Variants in DTD1 observed in about 807,000 individuals in gnomAD.
DTD1 encodes the protein D-tyrosyl-tRNA deacylase 1 homolog.
Under a neutral mutation model 25.6 loss-of-function variants are expected in DTD1, and 13 were observed. That is an observed-to-expected ratio of 0.51 (90% CI 0.33 to 0.81). The LOEUF (loss-of-function observed/expected upper bound fraction) is 0.81. Ranked by LOEUF, DTD1 falls within the 30% of genes least tolerant of loss-of-function variation. The pLI is 0.02. For missense variants in DTD1, 193 were observed against 266.4 expected, an observed-to-expected ratio of 0.72 and a Z score of 1.92; for synonymous variants, 110 against 103.6, an observed-to-expected ratio of 1.06 and a Z score of -0.37.
At chr20:18,714,586 G>A (rs948633990) in intron 4 of DTD1, among the ~76,000 whole-genome samples, 3 of 152,136 alleles carry the variant, frequency 2.0e-5, no homozygotes, top group African/African-American at 7.2e-5. Flanking sequence ...GCACAGATCC[G>A]GGGTGGTGGA....
Position 18,690,782 on chromosome 20 carries a change from C to T in DTD1, c.478-53318C>T, listed in dbSNP as rs148130134. Among the ~76,000 whole-genome samples, 663 of 151,994 alleles carry T rather than the reference C, an allele frequency of 4.4e-3. 21 individuals carry two copies. Among genetic ancestry groups the T allele is most frequent in the Admixed American group, 0.037 (569 of 15,284 alleles). The stretch of plus-strand genomic sequence containing the variant: ...AGTTTAATGTCAGGTAATGTGATGC[C>T]TCTGGCTTTGTTCTTTTTGCTTAGG... On this transcript the variant is annotated intron_variant, in intron 4 of 5. Transcript: ENST00000377452.
At chr20:18,653,412 CATAAATT>C (rs2060880908) in intron 4 of DTD1, among the ~76,000 whole-genome samples, 1 of 152,086 alleles carries the variant, frequency 6.6e-6, no homozygotes, top group South Asian at 2.1e-4. Context: ...CAAACAGACT[CATAAATT>C]AGCTGTCTTT....
rs1229735776 is a variant in DTD1, at chr20:18,624,901, G to A, written c.371-3226G>A. Among the ~76,000 whole-genome samples, 9 of 152,150 alleles carry A rather than the reference G, an allele frequency of 5.9e-5. No individual in the cohort carries two copies. The South Asian group carries it at 6.2e-4, about 10-fold the overall frequency. ...TAAACTTTGGTCCTAGACATTTACCGTCGTAATGTTTGTTTCTTCTCATGG... is the reference window on the plus strand; with the variant it reads ...TAAACTTTGGTCCTAGACATTTACCATCGTAATGTTTGTTTCTTCTCATGG... On this transcript the variant is annotated intron_variant, in intron 3 of 5. Coordinates refer to ENST00000377452, the MANE Select transcript of DTD1 (RefSeq NM_080820.6).
chr20:18,760,281 G>A (rs1316337002), intron 5 of DTD1, among the ~76,000 whole-genome samples: 2 of 152,154 alleles, frequency 1.3e-5, no homozygotes. Context: ...CTGGTGAGGA[G>A]CTGCATTCTT....
At chr20:18,588,709 G>A in intron 1 of DTD1, 2 of 985,318 alleles carry the variant, frequency 2.0e-6, no homozygotes, top group East Asian at 1.1e-4. Flanking sequence ...GCCCTCGCCC[G>A]CTGAACTCTG....
intron 4 of DTD1, among the ~76,000 whole-genome samples, chr20:18,723,721 T>C (rs1442749985): frequency 6.6e-6 from 1 of 152,262 alleles, no homozygotes; most frequent in Admixed American, 6.5e-5. Context: ...CTCAAATTCA[T>C]GCGTGCTGCA....
At chr20:18,606,224 T>C (rs1338829397) in intron 3 of DTD1, among the ~76,000 whole-genome samples, 1 of 146,914 alleles carries the variant, frequency 6.8e-6, no homozygotes, top group Admixed American at 6.8e-5. Context: ...AAAACCACTA[T>C]GAGATACCAT....
chr20:18,592,673 A>AT (rs1300218263), intron 1 of DTD1: 27 of 140,436 alleles, frequency 1.9e-4, no homozygotes, highest in Admixed American at 8.8e-4. Context: ...ATAAAGATGC[A>AT]TCTTTTTTTT....
intron 3 of DTD1, among the ~76,000 whole-genome samples, chr20:18,627,334 CAG>C (rs1249294237): frequency 9.2e-5 from 14 of 152,178 alleles, no homozygotes; most frequent in African/African-American, 3.4e-4. Context: ...GGAAGGACCT[CAG>C]GGTGTGAGGC....
chr20:18,593,610 C>A, intron 1 of DTD1, 121 bp from the exon 2 acceptor site: 1 of 701,918 alleles, frequency 1.4e-6, no homozygotes, highest in Non-Finnish European at 2.6e-6. Context: ...TACGTACTGA[C>A]TTTAACCAAA....
intron 4 of DTD1, among the ~76,000 whole-genome samples, chr20:18,732,795 A>G (rs185212894): frequency 5.3e-5 from 8 of 152,320 alleles, no homozygotes; most frequent in Admixed American, 5.2e-4. Flanking sequence ...ACAAGATTAT[A>G]CTCAAACTTA....
chr20:18,597,792 C>T (rs1179529229), intron 3 of DTD1, among the ~76,000 whole-genome samples: 1 of 152,160 alleles, frequency 6.6e-6, no homozygotes, highest in Non-Finnish European at 1.5e-5. Flanking sequence ...TCTGTGGTCA[C>T]CAACCTGTCT....
At chr20:18,645,659 G>C (rs971387170) in intron 4 of DTD1, among the ~76,000 whole-genome samples, 3 of 152,188 alleles carry the variant, frequency 2.0e-5, no homozygotes, top group Non-Finnish European at 4.4e-5. Flanking sequence ...CCTATTCCTG[G>C]CTGAAATGGT....
intron 4 of DTD1, among the ~76,000 whole-genome samples, chr20:18,649,526 A>G (rs979696103): frequency 6.6e-6 from 1 of 151,138 alleles, no homozygotes; most frequent in Non-Finnish European, 1.5e-5. Context: ...TTTAGTAGAG[A>G]TGGGGTTTCA....
intron 4 of DTD1, among the ~76,000 whole-genome samples, chr20:18,712,570 T>C (rs543427485): frequency 1.2e-4 from 18 of 152,288 alleles, no homozygotes; most frequent in African/African-American, 4.1e-4. Flanking sequence ...CGAGATCCCA[T>C]ATGAAAACGA....
Position 18,596,001 on chromosome 20 carries a change from C to T in DTD1, c.135-5C>T. On this transcript the variant is annotated splice_polypyrimidine_tract_variant and splice_region_variant and intron_variant, in intron 2 of 5. Transcript: ENST00000377452. Reference sequence around the variant, plus strand: ...GGTAGCTCTCACTGCTCTTTTTCCCCTTAGGGTCCGAAAGATTCTAAACCT... The same window carrying T: ...GGTAGCTCTCACTGCTCTTTTTCCCTTTAGGGTCCGAAAGATTCTAAACCT... The T allele has an allele frequency of 6.2e-7, 1 of 1,613,684 alleles. No homozygotes were observed. The highest frequency in any genetic ancestry group is 8.5e-7 in the Non-Finnish European group (1 of 1,179,654).
intron 4 of DTD1, chr20:18,631,964 A>G (rs1277776495): frequency 1.6e-5 from 15 of 927,592 alleles, no homozygotes; most frequent in Non-Finnish European, 1.9e-5. Flanking sequence ...AGTAAGTCTC[A>G]AGATCTAATG....
intron 4 of DTD1, chr20:18,698,374 TCTCAG>T (rs1217807978): frequency 6.6e-6 from 1 of 152,186 alleles, no homozygotes; most frequent in Non-Finnish European, 1.5e-5. Flanking sequence ...TTGAAGCAAA[TCTCAG>T]TGTTATTTCA....
chr20:18,744,147 T>C lies in DTD1; in HGVS notation c.525T>C (p.Ala175=), dbSNP rs1010856319. The C allele has an allele frequency of 1.2e-6, 2 of 1,612,148 alleles. No individual in the cohort carries two copies. Among genetic ancestry groups the C allele is most frequent in the Non-Finnish European group, 1.7e-6 (2 of 1,179,972 alleles). Residue 175 remains alanine, a synonymous_variant, in exon 5 of 6, where the codon GCT becomes GCC. Transcript: ENST00000377452. ...AGCAGAGGAAAGAAAAGACCAGAGC[T>C]AAGGGACCTTCTGAATCAAGCAAGG... ...KQQQRKEKTR[A]KGPSESSKER...
Sources: gnomAD v4.1 joint callset for allele counts (sites outside exome capture counted in the v4.1 genomes callset) on GRCh38, gnomAD v4.1.1 for gene constraint, MANE v1.5 for transcripts, NCBI Gene and HGNC (gene_info 2026-07-23, HGNC 2026-07-21) for gene names.